Variants in SPON1 observed in about 807,000 individuals in gnomAD.
SPON1 encodes spondin-1.
SPON1 carries 52 observed loss-of-function variants against 111.7 expected under a neutral mutation model. That is an observed-to-expected ratio of 0.47 (90% CI 0.37 to 0.59). The LOEUF is 0.59. Among genes scored for constraint, SPON1 ranks in the 20% least tolerant of loss-of-function variants. The pLI, the probability that SPON1 is intolerant of heterozygous loss-of-function variation, is 0.00. For missense variants in SPON1, 957 were observed against 1,068.5 expected (o/e 0.90, Z 1.46); for synonymous variants, 410 against 395.8 (o/e 1.04, Z -0.43).
chr11:14,028,045 A>G (rs572030885), intron 2 of SPON1, among the ~76,000 whole-genome samples: 1 of 152,326 alleles, frequency 6.6e-6, no homozygotes, highest in African/African-American at 2.4e-5. Flanking sequence ...TGTTAAATCC[A>G]GCGGTTATTA....
intron 2 of SPON1, among the ~76,000 whole-genome samples, chr11:14,040,556 T>C (rs182618330): frequency 6.6e-6 from 1 of 152,260 alleles, no homozygotes; most frequent in Admixed American, 6.5e-5. Context: ...TATGATAAAC[T>C]ATGGAGTTTG....
intron 6 of SPON1, among the ~76,000 whole-genome samples, chr11:14,200,640 C>G (rs1040757868): frequency 2.0e-5 from 3 of 151,650 alleles, no homozygotes; most frequent in African/African-American, 7.3e-5. Flanking sequence ...ATGGGGAAAC[C>G]CCGTCTCTGC....
Position 13,985,981 on chromosome 11 carries a change from C to G in SPON1, c.345+3028C>G, listed in dbSNP as rs575095881. ...CTGTGATATGTGGCCCCCATGCTGT[C>G]CCTTCCAAATCTATCATGAAAGTAT... On this transcript the variant is annotated intron_variant, in intron 2 of 15. Transcript: ENST00000576479. Among the ~76,000 whole-genome samples the G allele has an allele frequency of 3.3e-5, 5 of 152,274 alleles. No homozygotes were observed. In the South Asian group the frequency reaches 1.0e-3, roughly 32 times the overall value.
chr11:14,024,970 A>G lies in SPON1; in HGVS notation c.346-16551A>G, dbSNP rs148730094. On this transcript the variant is annotated intron_variant, in intron 2 of 15. Transcript: ENST00000576479. ...CCATATCATCTGAATTCCTCATTTTAGGAAACTGATCTCTAGAGAGAAAAA... is the reference window on the plus strand; with the variant it reads ...CCATATCATCTGAATTCCTCATTTTGGGAAACTGATCTCTAGAGAGAAAAA... Among the ~76,000 whole-genome samples the G allele has an allele frequency of 1.1e-4, 17 of 152,344 alleles. No individual in the cohort carries two copies. The East Asian group carries it at 3.3e-3, about 29-fold the overall frequency.
intron 2 of SPON1, among the ~76,000 whole-genome samples, chr11:14,035,119 G>C (rs1554916478): frequency 1.3e-5 from 2 of 152,236 alleles, no homozygotes; most frequent in African/African-American, 4.8e-5. Context: ...GTATGTTGGA[G>C]TGGAGTGGGG....
At chr11:14,145,124 T>C (rs1385185119) in intron 6 of SPON1, among the ~76,000 whole-genome samples, 2 of 152,210 alleles carry the variant, frequency 1.3e-5, no homozygotes, top group African/African-American at 4.8e-5. Context: ...AAAGGTATGA[T>C]TTGAGTCATA....
intron 5 of SPON1, among the ~76,000 whole-genome samples, chr11:14,090,543 C>G (rs1467518626): frequency 6.6e-6 from 1 of 151,990 alleles, no homozygotes; most frequent in Admixed American, 6.6e-5. Flanking sequence ...CTCATTGGCT[C>G]AGGAGTGAAG....
At chr11:14,056,281 A>G (rs1554919166) in intron 3 of SPON1, among the ~76,000 whole-genome samples, 1 of 152,222 alleles carries the variant, frequency 6.6e-6, no homozygotes, top group African/African-American at 2.4e-5. Context: ...AAACAAGGCT[A>G]TATTATTAAT....
Position 14,210,913 on chromosome 11 carries a change from A to G in SPON1, c.826-32419A>G, listed in dbSNP as rs937455537. ...GGTTTGTCAAAGATCAGATTGTTGT[A>G]GATGTGTGGCATTATTTCTGAGGCC... On this transcript the variant is annotated intron_variant, in intron 6 of 15. Transcript: ENST00000576479. Among the ~76,000 whole-genome samples, 5 of 152,152 alleles carry G rather than the reference A, an allele frequency of 3.3e-5. No individual in the cohort carries two copies. The South Asian group carries it at 1.0e-3, about 32-fold the overall frequency.
At chr11:14,254,427 C>T in intron 7 of SPON1, 101 bp from the exon 8 acceptor site, 1 of 1,075,102 alleles carries the variant, frequency 9.3e-7, no homozygotes, top group Non-Finnish European at 1.3e-6. Context: ...AATGTGGATA[C>T]TCTCTGTCCC....
At chr11:14,241,117 C>T (rs1212310630) in intron 6 of SPON1, among the ~76,000 whole-genome samples, 13 of 151,996 alleles carry the variant, frequency 8.6e-5, no homozygotes, top group African/African-American at 3.1e-4. Flanking sequence ...CGTAGAAGAT[C>T]TGGAAAGATA....
chr11:14,196,977 G>A (rs1234422243), intron 6 of SPON1, among the ~76,000 whole-genome samples: 3 of 152,158 alleles, frequency 2.0e-5, no homozygotes, highest in Non-Finnish European at 4.4e-5. Flanking sequence ...TTGAACCCGG[G>A]AGGCTGGGGT....
intron 3 of SPON1, among the ~76,000 whole-genome samples, chr11:14,058,616 G>A (rs1380493780): frequency 6.6e-6 from 1 of 152,170 alleles, no homozygotes; most frequent in Admixed American, 6.5e-5. Context: ...CGAAGGTGAG[G>A]CCATGGTAAG....
chr11:14,139,709 A>AAAATATAT (rs144605782), intron 6 of SPON1, among the ~76,000 whole-genome samples: 1 of 145,406 alleles, frequency 6.9e-6, no homozygotes, highest in Non-Finnish European at 1.5e-5. Context: ...AAACATGTAA[A>AAAATATAT]ATATATATAT....
intron 6 of SPON1, among the ~76,000 whole-genome samples, chr11:14,161,926 G>A (rs1554931397): frequency 6.6e-6 from 1 of 151,796 alleles, no homozygotes; most frequent in Admixed American, 6.6e-5. Context: ...GCCAAGGTGG[G>A]GCAGATCACT....
chr11:14,100,948 CA>C (rs1342562417), intron 5 of SPON1, among the ~76,000 whole-genome samples: 4 of 152,194 alleles, frequency 2.6e-5, no homozygotes, highest in Non-Finnish European at 5.9e-5. Flanking sequence ...AGCCTAATCT[CA>C]GTCTGAATTT....
intron 2 of SPON1, among the ~76,000 whole-genome samples, chr11:14,007,127 C>T (rs1332264367): frequency 1.3e-5 from 2 of 152,144 alleles, no homozygotes; most frequent in African/African-American, 4.8e-5. Flanking sequence ...GATCATCAGG[C>T]ATTAGATTCT....
At chr11:14,192,744 C>G (rs1038434133) in intron 6 of SPON1, among the ~76,000 whole-genome samples, 1 of 135,956 alleles carries the variant, frequency 7.4e-6, no homozygotes, top group Non-Finnish European at 1.6e-5. Flanking sequence ...CCGCCCCCAT[C>G]ACAGGATGCA....
At chr11:13,998,538 G>T (rs1470007960) in intron 2 of SPON1, among the ~76,000 whole-genome samples, 1 of 152,110 alleles carries the variant, frequency 6.6e-6, no homozygotes, top group Non-Finnish European at 1.5e-5. Flanking sequence ...CAAACACTTG[G>T]CACATCCCTT....
Sources: gnomAD v4.1 joint callset for allele counts (sites outside exome capture counted in the v4.1 genomes callset) on GRCh38, gnomAD v4.1.1 for gene constraint, MANE v1.5 for transcripts, NCBI Gene and HGNC (gene_info 2026-07-23, HGNC 2026-07-21) for gene names.